The following KLHL29 variants were observed in gnomAD, a reference collection of about 807,000 sequenced individuals.
KLHL29 encodes the protein kelch-like protein 29.
A neutral mutation model predicts 80.4 loss-of-function variants in KLHL29; 21 were observed. The observed-to-expected ratio is 0.26, with a 90% CI of 0.19 to 0.38. The LOEUF is 0.38. Among genes scored for constraint, KLHL29 ranks in the 10% least tolerant of loss-of-function variants. The probability of loss-of-function intolerance (pLI) is 1.00; values close to 1 mark genes in which losing one functional copy is unlikely to be tolerated. For missense variants in KLHL29, 867 were observed against 1,223.9 expected, an observed-to-expected ratio of 0.71 and a Z score of 4.35; for synonymous variants, 511 against 526.8, an observed-to-expected ratio of 0.97 and a Z score of 0.41.
chr2:23,561,868 C>T (rs1283179764), intron 2 of KLHL29, among the ~76,000 whole-genome samples: 1 of 152,098 alleles, frequency 6.6e-6, no homozygotes, highest in Non-Finnish European at 1.5e-5. Context: ...TTGTGTCATT[C>T]AGGGCAGTGA....
chr2:23,564,192 TG>T (rs1031987052), intron 3 of KLHL29, among the ~76,000 whole-genome samples: 14 of 152,236 alleles, frequency 9.2e-5, no homozygotes, highest in South Asian at 2.1e-4. Flanking sequence ...GGGGATGAAG[TG>T]GAGGGGCTCG....
chr2:23,694,401 ACCT>A (rs1392684930), intron 8 of KLHL29, among the ~76,000 whole-genome samples: 4 of 151,768 alleles, frequency 2.6e-5, no homozygotes, highest in Non-Finnish European at 5.9e-5. Context: ...TTACTGCAGC[ACCT>A]CCTAAGTGGT....
chr2:23,633,722 C>T lies in KLHL29; in HGVS notation c.286-5417C>T, dbSNP rs527945526. Among the ~76,000 whole-genome samples, 47 of 128,604 alleles carry T rather than the reference C, an allele frequency of 3.7e-4. 1 individual carries two copies. The highest frequency in any genetic ancestry group is 1.4e-3 in the African/African-American group (44 of 32,542). 84.4% of individuals were successfully genotyped at this position (128,604 alleles called of 152,430 possible). On this transcript the variant is annotated intron_variant, in intron 3 of 13. Transcript: ENST00000486442. ...TAGGCCCAGGACTGGCATAGTGTCGCATCTGACATCTCTGTCAAAAGAGTC... is the reference window on the plus strand; with the variant it reads ...TAGGCCCAGGACTGGCATAGTGTCGTATCTGACATCTCTGTCAAAAGAGTC...
chr2:23,630,790 C>T (rs530041350), intron 3 of KLHL29, among the ~76,000 whole-genome samples: 1 of 152,258 alleles, frequency 6.6e-6, no homozygotes, highest in East Asian at 1.9e-4. Flanking sequence ...GCCTGGCTGC[C>T]CTGAGTACTT....
chr2:23,515,511 C>T (rs1572369945), intron 2 of KLHL29, among the ~76,000 whole-genome samples: 3 of 152,230 alleles, frequency 2.0e-5, no homozygotes, highest in Non-Finnish European at 2.9e-5. Flanking sequence ...GGGGGGCCCC[C>T]GTCTCTACTT....
chr2:23,485,031 C>T (rs1235613474), intron 2 of KLHL29, among the ~76,000 whole-genome samples: 2 of 152,234 alleles, frequency 1.3e-5, no homozygotes, highest in African/African-American at 4.8e-5. Context: ...CCTTGTAGTA[C>T]TTGCTGCTTC....
chr2:23,458,872 G>A (rs984960508), intron 1 of KLHL29, among the ~76,000 whole-genome samples: 11 of 152,212 alleles, frequency 7.2e-5, no homozygotes, highest in Non-Finnish European at 1.2e-4. Context: ...TGTGCCTCCA[G>A]TCTTTATCTG....
intron 1 of KLHL29, among the ~76,000 whole-genome samples, chr2:23,428,087 G>A (rs1407130570): frequency 6.6e-6 from 1 of 152,232 alleles, no homozygotes; most frequent in Non-Finnish European, 1.5e-5. Context: ...ATGGAGCATT[G>A]CAGGCTATCA....
intron 3 of KLHL29, among the ~76,000 whole-genome samples, chr2:23,619,462 C>G (rs1669111428): frequency 6.6e-6 from 1 of 152,072 alleles, no homozygotes; most frequent in Non-Finnish European, 1.5e-5. Flanking sequence ...AGCTGTGACT[C>G]CTTTTGAAAT....
chr2:23,505,908 T>C (rs1665584634), intron 2 of KLHL29, among the ~76,000 whole-genome samples: 1 of 152,128 alleles, frequency 6.6e-6, no homozygotes, highest in African/African-American at 2.4e-5. Context: ...CCAAAGGGCG[T>C]TGGGGGTCTC....
At chr2:23,632,611 G>A (rs967173724) in intron 3 of KLHL29, among the ~76,000 whole-genome samples, 4 of 152,250 alleles carry the variant, frequency 2.6e-5, no homozygotes, top group East Asian at 1.9e-4. Context: ...GCCAGGGCCC[G>A]GTGGTCAGAG....
chr2:23,597,111 A>G (rs962763878), intron 3 of KLHL29, among the ~76,000 whole-genome samples: 3 of 152,138 alleles, frequency 2.0e-5, no homozygotes, highest in African/African-American at 4.8e-5. Flanking sequence ...TTCAGGGAAG[A>G]CTGTCTTTTA....
intron 3 of KLHL29, among the ~76,000 whole-genome samples, chr2:23,585,880 C>G (rs996952015): frequency 6.6e-6 from 1 of 152,158 alleles, no homozygotes; most frequent in Non-Finnish European, 1.5e-5. Context: ...GCTCTACCAC[C>G]GGGGAGAGTT....
chr2:23,562,251 C>T lies in KLHL29; in HGVS notation c.55C>T (p.Arg19Cys), dbSNP rs1019259563. 11 of 1,550,476 alleles carry T rather than the reference C, an allele frequency of 7.1e-6. No homozygotes were observed. Among genetic ancestry groups the T allele is most frequent in the Admixed American group, 3.9e-5 (2 of 50,960 alleles). ...ERDYRVGWDR[R>C]EWSVNGTHGT... ...AGATTACCGGGTGGGCTGGGACCGC[C>T]GCGAATGGAGCGTCAACGGGACGCA... The change falls in exon 3 of 14, where the codon CGC becomes TGC. Residue 19 changes from arginine (R) to cysteine (C), a missense_variant. Physicochemically the swap from Arg to Cys is radical, Grantham distance 180. Around this residue, in one of 2 missense-constraint regions of KLHL29, gnomAD observed 424 missense variants for 456.9 expected, o/e 0.93. Coordinates refer to ENST00000486442, the MANE Select transcript of KLHL29 (RefSeq NM_052920.2). This position sits in a 1 kb window ranked among gnomAD's most constrained non-coding sequence, Gnocchi z 4.5.
intron 2 of KLHL29, among the ~76,000 whole-genome samples, chr2:23,494,734 G>A (rs1347849022): frequency 6.6e-6 from 1 of 151,048 alleles, no homozygotes; most frequent in African/African-American, 2.4e-5. Context: ...GACCCCCTCG[G>A]CTTCCATCTG....
chr2:23,648,570 A>T (rs576324442), intron 5 of KLHL29, among the ~76,000 whole-genome samples: 4 of 152,208 alleles, frequency 2.6e-5, no homozygotes, highest in Non-Finnish European at 2.9e-5. Flanking sequence ...GTTGCTGGGA[A>T]CTTCTCCCTA....
At chr2:23,531,768 G>A (rs948589912) in intron 2 of KLHL29, among the ~76,000 whole-genome samples, 1 of 152,144 alleles carries the variant, frequency 6.6e-6, no homozygotes, top group African/African-American at 2.4e-5. Flanking sequence ...ATGATCCTAG[G>A]TTCAGCTGAA....
chr2:23,564,881 G>A (rs1667551831), intron 3 of KLHL29, among the ~76,000 whole-genome samples: 1 of 152,214 alleles, frequency 6.6e-6, no homozygotes, highest in Admixed American at 6.5e-5. Flanking sequence ...GAAGTTATTG[G>A]CAGGGGAGGC....
chr2:23,657,891 T>G (rs1344963700), intron 5 of KLHL29, among the ~76,000 whole-genome samples: 1 of 152,184 alleles, frequency 6.6e-6, no homozygotes, highest in Admixed American at 6.5e-5. Flanking sequence ...GGTGGATGCT[T>G]TGGCCTGGCC....
Sources: gnomAD v4.1 joint callset for allele counts (sites outside exome capture counted in the v4.1 genomes callset) on GRCh38, gnomAD v4.1.1 for gene constraint, gnomAD v4.1.1 regional missense constraint, Gnocchi (gnomAD v3.1) non-coding constraint, MANE v1.5 for transcripts, NCBI Gene and HGNC (gene_info 2026-07-23, HGNC 2026-07-21) for gene names.